ATP8A1: variants seen among roughly 807,000 people sequenced by gnomAD.
The protein encoded by ATP8A1 is phospholipid-transporting ATPase IA.
In ATP8A1, 90 loss-of-function variants were observed where a neutral mutation model predicts 177.7. The observed-to-expected ratio is 0.51, with a 90% CI of 0.43 to 0.60. The LOEUF is 0.60. ATP8A1 is among the 20% of genes least tolerant of loss of function. The pLI, the probability that ATP8A1 is intolerant of heterozygous loss-of-function variation, is 0.00. For missense variants in ATP8A1, 1,072 were observed against 1,392.8 expected (o/e 0.77, Z 3.67); for synonymous variants, 493 against 485.9 (o/e 1.01, Z -0.19).
chr4:42,529,609 C>A (rs778624120), intron 20 of ATP8A1, among the ~76,000 whole-genome samples: 6 of 152,148 alleles, frequency 3.9e-5, no homozygotes, highest in Non-Finnish European at 8.8e-5. Context: ...CCTTCTCTTC[C>A]CCAGCCTGCA....
chr4:42,616,535 C>G (rs935168188), intron 4 of ATP8A1, among the ~76,000 whole-genome samples: 57 of 152,156 alleles, frequency 3.7e-4, no homozygotes, highest in Admixed American at 1.7e-3. Flanking sequence ...CCGAATTAAG[C>G]TGAGCACATC....
At chr4:42,597,048 T>C (rs923941622) in intron 6 of ATP8A1, among the ~76,000 whole-genome samples, 4 of 152,136 alleles carry the variant, frequency 2.6e-5, no homozygotes, top group African/African-American at 9.7e-5. Context: ...GGGCAGTAAC[T>C]GGAGAGATAA....
At chr4:42,498,019 T>G (rs1320404616) in intron 24 of ATP8A1, among the ~76,000 whole-genome samples, 2 of 152,212 alleles carry the variant, frequency 1.3e-5, no homozygotes, top group East Asian at 1.9e-4. Flanking sequence ...GAAACAGCTT[T>G]GCTAATGGTA....
chr4:42,585,091 G>A (rs1236418539), intron 9 of ATP8A1, among the ~76,000 whole-genome samples: 1 of 151,964 alleles, frequency 6.6e-6, no homozygotes, highest in African/African-American at 2.4e-5. Context: ...AATTTACACT[G>A]ACTACTCCTT....
rs961204461 is a variant in ATP8A1 at position 42,443,492 on chromosome 4, A to G, written c.3123+73T>C. The G allele has an allele frequency of 1.6e-5, 11 of 675,474 alleles. No homozygotes were observed. The African/African-American group carries it at 2.0e-4, about 12-fold the overall frequency. The allele number at this position is 675,474 out of a possible 1,614,324, so 41.8% of individuals were successfully genotyped here. On this transcript the variant is annotated intron_variant, in intron 33 of 36. Transcript: ENST00000381668. ...AATCAACAAGATGGAAAATTATGCT[A>G]AACGATTAAGGTTTGCTAAAAAATA...
chr4:42,594,390 T>A, intron 6 of ATP8A1: 1 of 1,256,736 alleles, frequency 8.0e-7, no homozygotes, highest in Non-Finnish European at 1.2e-6. Context: ...ATTGGTTAAT[T>A]ATCTGCATTG....
At chr4:42,481,621 C>T (rs1721679716) in intron 25 of ATP8A1, among the ~76,000 whole-genome samples, 1 of 152,178 alleles carries the variant, frequency 6.6e-6, no homozygotes, top group Non-Finnish European at 1.5e-5. Context: ...CAGTTACTCC[C>T]TGGGATAGTG....
chr4:42,544,061 A>AT, intron 19 of ATP8A1, 75 bp from the exon 20 acceptor site: 1 of 1,179,616 alleles, frequency 8.5e-7, no homozygotes, highest in Non-Finnish European at 1.2e-6. Context: ...TGCCTCACAT[A>AT]TTTTGATATT....
At chr4:42,436,281 T>G (rs1172847695) in intron 33 of ATP8A1, among the ~76,000 whole-genome samples, 2 of 152,058 alleles carry the variant, frequency 1.3e-5, no homozygotes, top group Non-Finnish European at 2.9e-5. Flanking sequence ...CCTTGCATCC[T>G]CCAGTGCCTA....
rs1415444737 is a variant in ATP8A1, at chr4:42,412,651, T to G, written c.*265A>C. 2.1e-5 allele frequency: 7 copies of G among 330,784 alleles called. No individual in the cohort carries two copies. Among genetic ancestry groups the G allele is most frequent in the African/African-American group, 1.5e-4 (7 of 46,648 alleles). The allele number at this position is 330,784 out of a possible 1,614,324, so 20.5% of individuals were successfully genotyped here. A position where few individuals can be genotyped will look rare whatever the true frequency, so the allele number is the denominator to read the frequency against. On this transcript the variant is annotated 3_prime_UTR_variant, in exon 37 of 37. Coordinates refer to ENST00000381668, the MANE Select transcript of ATP8A1 (RefSeq NM_006095.2). ...ACTTATTCTCCGTTTAAGAAAGCCCTCTGGCAAGATACCAGGTCATTTTCA... is the reference window on the plus strand; with the variant it reads ...ACTTATTCTCCGTTTAAGAAAGCCCGCTGGCAAGATACCAGGTCATTTTCA...
intron 1 of ATP8A1, among the ~76,000 whole-genome samples, chr4:42,631,670 A>G (rs976182458): frequency 2.0e-5 from 3 of 152,188 alleles, no homozygotes; most frequent in Non-Finnish European, 4.4e-5. Context: ...AAGAGTGCTG[A>G]TAATGTTTAA....
chr4:42,610,605 GAC>G (rs1238563838), intron 5 of ATP8A1, among the ~76,000 whole-genome samples: 1 of 147,362 alleles, frequency 6.8e-6, no homozygotes, highest in African/African-American at 2.5e-5. Flanking sequence ...AAAAGTGAAA[GAC>G]AACCTGGAGC....
intron 15 of ATP8A1, among the ~76,000 whole-genome samples, chr4:42,563,821 G>A (rs189051150): frequency 7.7e-4 from 118 of 152,306 alleles, no homozygotes; most frequent in African/African-American, 2.7e-3. Flanking sequence ...TGGGCCAGGC[G>A]TGGTGGCTCA....
At chr4:42,557,781 G>A (rs1730396371) in intron 15 of ATP8A1, among the ~76,000 whole-genome samples, 1 of 152,162 alleles carries the variant, frequency 6.6e-6, no homozygotes, top group East Asian at 1.9e-4. Context: ...CATGGCTTAT[G>A]TCTGTAATCC....
At chr4:42,517,530 C>T (rs6840476) in intron 22 of ATP8A1, among the ~76,000 whole-genome samples, 1,531 of 152,272 alleles carry the variant, frequency 0.01, 23 homozygotes, top group African/African-American at 0.035. Flanking sequence ...ACCTGCAATT[C>T]TTCGCAAAGT....
intron 32 of ATP8A1, 68 bp downstream of exon 32, chr4:42,444,510 C>T (rs372064110): frequency 1.8e-5 from 26 of 1,465,318 alleles, no homozygotes; most frequent in Non-Finnish European, 2.5e-5. Flanking sequence ...GTGAAGACCA[C>T]CACCAAGACT....
intron 35 of ATP8A1, among the ~76,000 whole-genome samples, chr4:42,421,920 GCTTT>G (rs1325440058): frequency 1.3e-5 from 2 of 151,620 alleles, no homozygotes; most frequent in Non-Finnish European, 2.9e-5. Context: ...GATTTGATTA[GCTTT>G]CTAACTTTCC....
rs966336580 is a variant in ATP8A1, at chr4:42,472,289, ACAT to A, written c.2325-7216_2325-7214del. 5.6e-6 allele frequency: 3 copies of A among 535,396 alleles called. No individual in the cohort carries two copies. The African/African-American group carries it at 5.7e-5, about 10-fold the overall frequency. 33.2% of individuals were successfully genotyped at this position (535,396 alleles called of 1,614,324 possible). On this transcript the variant is annotated intron_variant, in intron 25 of 36. Coordinates refer to ENST00000381668, the MANE Select transcript of ATP8A1 (RefSeq NM_006095.2). ...CATTTGGACAAAGCATAGGAGAACA[ACAT>A]GGAAAGCAAGGCTGAAACTTTTTCT... is the stretch of plus-strand genomic sequence containing the variant.
chr4:42,634,224 T>C (rs1340926827), intron 1 of ATP8A1, among the ~76,000 whole-genome samples: 1 of 152,200 alleles, frequency 6.6e-6, no homozygotes, highest in Non-Finnish European at 1.5e-5. Context: ...AACCTCTTCA[T>C]GATTGCATGA....
Sources: allele counts gnomAD v4.1 joint callset (sites outside exome capture counted in the v4.1 genomes callset), GRCh38; gene constraint gnomAD v4.1.1; transcripts MANE v1.5; gene names NCBI Gene and HGNC (gene_info 2026-07-23, HGNC 2026-07-21).